Variants in ZNF585B observed in about 807,000 individuals in gnomAD.
ZNF585B encodes zinc finger protein 41-like protein.
Under a neutral mutation model 14.0 loss-of-function variants are expected in ZNF585B, and 7 were observed. The ratio of observed to expected loss-of-function variants is 0.50; its 90% CI spans 0.28 to 0.94. ZNF585B has a LOEUF of 0.94. Among genes scored for constraint, ZNF585B ranks in the 40% least tolerant of loss-of-function variants. The pLI, the probability that ZNF585B is intolerant of heterozygous loss-of-function variation, is 0.09. For synonymous variants in ZNF585B, 290 were observed against 317.3 expected (o/e 0.91, Z 0.91); for missense variants, 750 against 924.4 (o/e 0.81, Z 2.45).
chr19:37,189,532 TA>T, intron 4 of ZNF585B, 128 bp downstream of exon 4: 1 of 962,098 alleles, frequency 1.0e-6, no homozygotes, highest in Non-Finnish European at 1.6e-6. Flanking sequence ...TCAAGCAATA[TA>T]AAAAATTCAG....
rs1423387729 is a variant in ZNF585B, at chr19:37,190,404, C to T, written c.73-254G>A. The T allele has an allele frequency of 9.3e-6, 3 of 322,788 alleles. No homozygotes were observed. In the East Asian group the frequency reaches 1.9e-4, roughly 20 times the overall value. The allele number at this position is 322,788 out of a possible 1,614,324, so 20.0% of individuals were successfully genotyped here. On this transcript the variant is annotated intron_variant, in intron 2 of 4. Transcript: ENST00000532828. ...GGGATTACAGGCACGTGCCACCACA[C>T]CCAGCTAATTTTTGTATTTTTAGTA...
chr19:37,190,146 G>A lies in ZNF585B; in HGVS notation c.77C>T (p.Ser26Leu). Reference protein sequence around the residue: ...PEDHGSSYEGSVSFRDVAIDF... With the variant: ...PEDHGSSYEGLVSFRDVAIDF... The stretch of plus-strand genomic sequence containing the variant: ...GATAGCCACATCCCTGAAGGACACT[G>A]ATCCCTGTAAGGGCACATTCCTGTT... Residue 26 changes from serine (S) to leucine (L), a missense_variant, in exon 3 of 5, where the codon TCA becomes TTA. Ser to Leu is a moderately radical substitution (Grantham distance 145). This residue lies in a region of ZNF585B where 517 missense variants were observed against 570.3 expected (regional missense o/e 0.91). Coordinates refer to ENST00000532828, the MANE Select transcript of ZNF585B (RefSeq NM_152279.4). 1 of 1,614,184 alleles carries A rather than the reference G, an allele frequency of 6.2e-7. No individual in the cohort carries two copies.
intron 2 of ZNF585B, among the ~76,000 whole-genome samples, chr19:37,205,187 G>C (rs1028287492): frequency 1.3e-5 from 2 of 151,980 alleles, no homozygotes; most frequent in African/African-American, 2.4e-5. Flanking sequence ...AGGTGTGAAC[G>C]ACCGTGCCCA....
chr19:37,199,193 G>T, intron 2 of ZNF585B: 1 of 488,636 alleles, frequency 2.0e-6, no homozygotes, highest in South Asian at 2.4e-5. Flanking sequence ...ATGTTAGGCT[G>T]GAATAGAGCT....
In ZNF585B at chr19:37,183,710, A is replaced by G. The variant is rs1273857087; in HGVS notation, c.*1517T>C. 1 of 152,350 alleles carries G rather than the reference A, an allele frequency of 6.6e-6. No homozygotes were observed. The highest frequency in any genetic ancestry group is 1.5e-5 in the Non-Finnish European group (1 of 68,042). 9.4% of individuals were successfully genotyped at this position (152,350 alleles called of 1,614,324 possible). On this transcript the variant is annotated 3_prime_UTR_variant, in exon 5 of 5. Coordinates refer to ENST00000532828, the MANE Select transcript of ZNF585B (RefSeq NM_152279.4). ...AGTCAGGAACTGATGTTTGAGGCAC[A>G]TGGCGGGGAAGGTCCTTGTGGGGTG...
intron 4 of ZNF585B, among the ~76,000 whole-genome samples, chr19:37,188,965 T>G (rs1323576386): frequency 6.6e-6 from 1 of 150,920 alleles, no homozygotes; most frequent in African/African-American, 2.4e-5. Flanking sequence ...TCAGACTGAG[T>G]CTTGCTCTGT....
intron 1 of ZNF585B, among the ~76,000 whole-genome samples, chr19:37,208,774 T>C (rs376957788): frequency 1.7e-4 from 26 of 152,234 alleles, no homozygotes; most frequent in East Asian, 7.8e-4. Flanking sequence ...AATGGATCAC[T>C]TGAGGCCAGG....
intron 2 of ZNF585B, among the ~76,000 whole-genome samples, chr19:37,200,178 G>A (rs965031184): frequency 5.3e-5 from 8 of 152,056 alleles, no homozygotes; most frequent in African/African-American, 1.9e-4. Flanking sequence ...TAAATTGGCA[G>A]AACTCAGTAA....
chr19:37,184,752 T>C lies in ZNF585B; in HGVS notation c.*475A>G, dbSNP rs550503239. The C allele has an allele frequency of 6.7e-5, 25 of 370,672 alleles. No homozygotes were observed. Among genetic ancestry groups the C allele is most frequent in the African/African-American group, 3.3e-4 (16 of 48,170 alleles). The allele number at this position is 370,672 out of a possible 1,614,324, so 23.0% of individuals were successfully genotyped here. A position where few individuals can be genotyped will look rare whatever the true frequency, so the allele number is the denominator to read the frequency against. On this transcript the variant is annotated 3_prime_UTR_variant, in exon 5 of 5. Coordinates refer to ENST00000532828, the MANE Select transcript of ZNF585B (RefSeq NM_152279.4). ...ATTGGATATGCACAACTGTGTTCGA[T>C]TCAAAAGAAGAAAATACCCACAATT...
chr19:37,204,422 C>T (rs534482852), intron 2 of ZNF585B, among the ~76,000 whole-genome samples: 1 of 152,240 alleles, frequency 6.6e-6, no homozygotes, highest in South Asian at 2.1e-4. Flanking sequence ...TCTCTTAGAA[C>T]ACCAACAGCA....
intron 2 of ZNF585B, chr19:37,199,191 C>G (rs1972504635): frequency 2.0e-6 from 1 of 491,436 alleles, no homozygotes; most frequent in Admixed American, 3.3e-5. Context: ...TCATGTTAGG[C>G]TGGAATAGAG....
chr19:37,194,149 T>C (rs1053013759), intron 2 of ZNF585B, among the ~76,000 whole-genome samples: 4 of 152,188 alleles, frequency 2.6e-5, no homozygotes, highest in African/African-American at 9.6e-5. Context: ...TGAAACTGGG[T>C]AAAAGGTACA....
chr19:37,199,280 AT>A, intron 2 of ZNF585B: 3 of 356,626 alleles, frequency 8.4e-6, no homozygotes, highest in Non-Finnish European at 5.4e-6. Flanking sequence ...TAATCCTGGG[AT>A]TTTGGGAGGC....
rs1398254813 is a variant in ZNF585B, at chr19:37,186,054, T to G, written c.1483A>C (p.Ile495Leu). ...AAGGCCTTTCCACATTTGGAACATA[T>G]ATAAGATTTCTCTCCTGTATGAGTT... ...QKTHTGEKSY[I>L]CSKCGKAFTQ... The change falls in exon 5 of 5, where the codon ATA becomes CTA. Residue 495 changes from isoleucine to leucine, a missense_variant. Transcript: ENST00000532828. The G allele has an allele frequency of 6.2e-7, 1 of 1,613,992 alleles. No homozygotes were observed. The highest frequency in any genetic ancestry group is 1.3e-5 in the African/African-American group (1 of 74,990).
intron 4 of ZNF585B, 57 bp downstream of exon 4, chr19:37,189,604 T>G (rs1972376895): frequency 1.4e-4 from 228 of 1,580,054 alleles, no homozygotes; most frequent in Non-Finnish European, 1.8e-4. Flanking sequence ...TCAAGACAGC[T>G]GAGATTTCCT....
At position 37,185,864 on chromosome 19, in the gene ZNF585B, G is replaced by A. The variant is rs1426364317; in HGVS notation, c.1673C>T (p.Ala558Val). Reference sequence around the variant, plus strand: ...AATGAGTATTGATTTCTGGTTGAAGGCTTTCCCACATTCGTGGCATTCATA... The same window carrying A: ...AATGAGTATTGATTTCTGGTTGAAGACTTTCCCACATTCGTGGCATTCATA... ...RQYECHECGK[A>V]FNQKSILIVH... is the part of the protein sequence containing the mutation. The change falls in exon 5 of 5, where the codon GCC becomes GTC. Residue 558 changes from alanine to valine, a missense_variant. This residue lies in a region of ZNF585B where 233 missense variants were observed against 354.1 expected (regional missense o/e 0.66). Transcript: ENST00000532828. 6.2e-7 allele frequency: 1 copy of A among 1,613,422 alleles called. No homozygotes were observed. The highest frequency in any genetic ancestry group is 1.3e-5 in the African/African-American group (1 of 74,772).
At chr19:37,188,471 A>T (rs1209281534) in intron 4 of ZNF585B, among the ~76,000 whole-genome samples, 1 of 151,776 alleles carries the variant, frequency 6.6e-6, no homozygotes, top group Non-Finnish European at 1.5e-5. Context: ...GGGCAACAAG[A>T]GTGAAACTCC....
In ZNF585B at chr19:37,190,009, G is replaced by C. The variant is rs374544809; in HGVS notation, c.199+15C>G. ...AGTGAGGCCTCCTTTCAGATACCAAGGTGACTGTGCTTACCTACTGAGAGC... is the reference window on the plus strand; with the variant it reads ...AGTGAGGCCTCCTTTCAGATACCAACGTGACTGTGCTTACCTACTGAGAGC... On this transcript the variant is annotated intron_variant, in intron 3 of 4. Coordinates refer to ENST00000532828, the MANE Select transcript of ZNF585B (RefSeq NM_152279.4). 12 of 1,612,922 alleles carry C rather than the reference G, an allele frequency of 7.4e-6. No individual in the cohort carries two copies. The African/African-American group carries it at 1.5e-4, about 20-fold the overall frequency.
In ZNF585B at chr19:37,184,372, GAAA is replaced by G. The variant is rs1972295265; in HGVS notation, c.*852_*854del. The G allele has an allele frequency of 3.0e-5, 1 of 33,814 alleles. No homozygotes were observed. The highest frequency in any genetic ancestry group is 2.2e-4 in the African/African-American group (1 of 4,588). 2.1% of individuals were successfully genotyped at this position (33,814 alleles called of 1,614,324 possible). Reference sequence around the variant, plus strand: ...TGTCTCAAAAAAAGAAAGAAAGAAAGAAAGAAAGAAAGAAAGAAAGAAAGAAAG... The same window carrying G: ...TGTCTCAAAAAAAGAAAGAAAGAAAGGAAAGAAAGAAAGAAAGAAAGAAAG... On this transcript the variant is annotated 3_prime_UTR_variant, in exon 5 of 5. Transcript: ENST00000532828.
Sources: allele counts gnomAD v4.1 joint callset (sites outside exome capture counted in the v4.1 genomes callset), GRCh38; gene constraint gnomAD v4.1.1; regional missense constraint gnomAD v4.1.1; transcripts MANE v1.5; gene names NCBI Gene and HGNC (gene_info 2026-07-23, HGNC 2026-07-21).